The following C3orf49 variants were observed in gnomAD, a reference collection of about 807,000 sequenced individuals.
C3orf49 encodes putative uncharacterized protein C3orf49.
In C3orf49, 27 loss-of-function variants were observed where a neutral mutation model predicts 13.3. The ratio of observed to expected loss-of-function variants is 2.02; its 90% CI spans 1.49 to 2.79. The LOEUF is 2.79. Among genes scored for constraint, C3orf49 ranks in the 30% most tolerant of loss-of-function variants. The pLI, the probability that C3orf49 is intolerant of heterozygous loss-of-function variation, is 0.00. For synonymous variants in C3orf49, 87 were observed against 47.6 expected (o/e 1.83, Z -3.40); for missense variants, 242 against 134.2 (o/e 1.80, Z -3.97).
chr3:63,825,349 G>A (rs113934193), intron 2 of C3orf49, among the ~76,000 whole-genome samples: 31 of 151,978 alleles, frequency 2.0e-4, no homozygotes, highest in Non-Finnish European at 3.4e-4. Flanking sequence ...GTTTCCAGCC[G>A]ACTACTTTCA....
intron 5 of C3orf49, among the ~76,000 whole-genome samples, chr3:63,842,751 G>A (rs1701795078): frequency 6.6e-6 from 1 of 152,042 alleles, no homozygotes; most frequent in African/African-American, 2.4e-5. Flanking sequence ...GGGTACACTG[G>A]GTATAAGTAC....
upstream of C3orf49, among the ~76,000 whole-genome samples, chr3:63,815,877 C>T (rs1194670128): frequency 1.3e-5 from 2 of 149,518 alleles, no homozygotes; most frequent in Admixed American, 6.7e-5. Context: ...AGCGAGGAGG[C>T]GTGAAGCCGG....
intron 5 of C3orf49, chr3:63,833,948 A>G (rs868511727): frequency 3.7e-6 from 2 of 540,264 alleles, no homozygotes; most frequent in Middle Eastern, 3.2e-4. Flanking sequence ...ATTTTAATAA[A>G]AACAAATCTA....
At chr3:63,835,491 A>G (rs1701612868) in intron 5 of C3orf49, 1 of 1,064,744 alleles carries the variant, frequency 9.4e-7, no homozygotes, top group Admixed American at 2.4e-5. Flanking sequence ...TTAAAATAAA[A>G]AAAGGGCTTA....
intron 2 of C3orf49, chr3:63,827,393 A>C (rs1227133980): frequency 7.1e-6 from 3 of 424,584 alleles, no homozygotes; most frequent in Non-Finnish European, 1.3e-5. Flanking sequence ...GTGTCCACTG[A>C]GGTCATGACC....
intron 3 of C3orf49, among the ~76,000 whole-genome samples, chr3:63,828,760 A>G (rs998008235): frequency 3.9e-5 from 6 of 152,218 alleles, no homozygotes; most frequent in African/African-American, 1.4e-4. Flanking sequence ...CAATAGCCCT[A>G]TAACGTAGGT....
chr3:63,828,497 G>A (rs534229629), intron 3 of C3orf49, among the ~76,000 whole-genome samples: 2 of 152,088 alleles, frequency 1.3e-5, no homozygotes, highest in African/African-American at 4.8e-5. Context: ...ACAGCGTTTC[G>A]CCATGTTGGT....
intron 2 of C3orf49, among the ~76,000 whole-genome samples, chr3:63,826,180 G>A (rs1701463055): frequency 1.3e-5 from 2 of 152,178 alleles, no homozygotes; most frequent in Admixed American, 1.3e-4. Flanking sequence ...TTCTAAGGGT[G>A]ATAAGAAACC....
At chr3:63,826,646 A>G (rs1701467086) in intron 2 of C3orf49, among the ~76,000 whole-genome samples, 1 of 152,204 alleles carries the variant, frequency 6.6e-6, no homozygotes, top group Non-Finnish European at 1.5e-5. Flanking sequence ...AGGCTCCCAG[A>G]GAAGTCCTTA....
chr3:63,826,770 C>A (rs1289341083), intron 2 of C3orf49: 2 of 152,092 alleles, frequency 1.3e-5, no homozygotes, highest in African/African-American at 4.8e-5. Context: ...CTTTTGAATA[C>A]ATCAAGGAAA....
At chr3:63,824,962 T>C (rs1701448042) in intron 2 of C3orf49, among the ~76,000 whole-genome samples, 1 of 152,176 alleles carries the variant, frequency 6.6e-6, no homozygotes. Flanking sequence ...CCACAGCTCC[T>C]GTTATTAACA....
At chr3:63,832,863 C>G (rs1701552222) in intron 5 of C3orf49, 1 of 152,026 alleles carries the variant, frequency 6.6e-6, no homozygotes, top group Admixed American at 6.6e-5. Context: ...ATGACTACAA[C>G]TGAGCTAATT....
intron 3 of C3orf49, among the ~76,000 whole-genome samples, chr3:63,830,435 T>C (rs1701517719): frequency 6.6e-6 from 1 of 152,134 alleles, no homozygotes; most frequent in Non-Finnish European, 1.5e-5. Flanking sequence ...CCAGATGTGG[T>C]CCCATATCCT....
chr3:63,842,532 AAT>A (rs1213708508), intron 5 of C3orf49, among the ~76,000 whole-genome samples: 2 of 152,196 alleles, frequency 1.3e-5, no homozygotes, highest in African/African-American at 4.8e-5. Context: ...AAAGGAATGA[AAT>A]AGTGTCTTCT....
intron 2 of C3orf49, among the ~76,000 whole-genome samples, chr3:63,824,186 T>A (rs1701437941): frequency 6.6e-6 from 1 of 152,068 alleles, no homozygotes; most frequent in Admixed American, 6.5e-5. Flanking sequence ...CACTTTTTAT[T>A]TAAATATATA....
chr3:63,803,031 G>A, the C3orf49 span, among the ~76,000 whole-genome samples: 2 of 152,116 alleles, frequency 1.3e-5, no homozygotes, highest in Non-Finnish European at 2.9e-5. Flanking sequence ...CCAAACTGAA[G>A]CTGGAAGCAA....
At chr3:63,820,217 C>T (rs1046964986) in intron 1 of C3orf49, among the ~76,000 whole-genome samples, 1 of 152,094 alleles carries the variant, frequency 6.6e-6, no homozygotes, top group Non-Finnish European at 1.5e-5. Flanking sequence ...ATAGTTCAGA[C>T]ATGTAGAAGT....
Position 63,836,491 on chromosome 3 carries a change from G to GT in C3orf49, c.849+4648dup, listed in dbSNP as rs1252353828. 6.5e-6 allele frequency: 5 copies of GT among 772,012 alleles called. No individual in the cohort carries two copies. The East Asian group carries it at 1.3e-4, about 20-fold the overall frequency. The allele number at this position is 772,012 out of a possible 1,614,324, so 47.8% of individuals were successfully genotyped here. ...AAGAAATGAAATCACTGAAAGATGA[G>GT]TATTGCCAGTTTTAGTTAACTGAGT... On this transcript the variant is annotated intron_variant, in intron 5 of 6. Coordinates refer to ENST00000295896, the MANE Select transcript of C3orf49 (RefSeq NM_001355236.2).
chr3:63,812,308 A>T, the C3orf49 span, among the ~76,000 whole-genome samples: 1 of 152,186 alleles, frequency 6.6e-6, no homozygotes, highest in Non-Finnish European at 1.5e-5. Context: ...ATCACAAAAA[A>T]ATCTCATAAT....
Sources: gnomAD v4.1 joint callset for allele counts (sites outside exome capture counted in the v4.1 genomes callset) on GRCh38, gnomAD v4.1.1 for gene constraint, MANE v1.5 for transcripts, NCBI Gene and HGNC (gene_info 2026-07-23, HGNC 2026-07-21) for gene names.